The following DLGAP3 variants were observed in gnomAD, a reference collection of about 807,000 sequenced individuals.
DLGAP3 encodes the protein disks large-associated protein 3.
DLGAP3 carries 17 observed loss-of-function variants against 81.2 expected under a neutral mutation model. The observed-to-expected ratio is 0.21, with a 90% CI of 0.14 to 0.31. The LOEUF (loss-of-function observed/expected upper bound fraction) is 0.31. Among genes scored for constraint, DLGAP3 ranks in the 10% least tolerant of loss-of-function variants. The pLI is 1.00. For missense variants in DLGAP3, 1,124 were observed against 1,388.0 expected, an observed-to-expected ratio of 0.81 and a Z score of 3.02; for synonymous variants, 577 against 587.4, an observed-to-expected ratio of 0.98 and a Z score of 0.26.
At chr1:34,877,855 C>G (rs1639081532) in intron 8 of DLGAP3, among the ~76,000 whole-genome samples, 2 of 152,120 alleles carry the variant, frequency 1.3e-5, no homozygotes, top group Non-Finnish European at 2.9e-5. Context: ...TACTGTTGAT[C>G]AGTTCAACAT....
chr1:34,904,356 C>A lies in DLGAP3; in HGVS notation c.1028G>T (p.Gly343Val). ...HTMMVSQGRD[G>V]YPGAGPGKGL... ...CTTGCCTGGCCCGGCCCCCGGGTAT[C>A]CATCCCGGCCCTGGCTGACCATCAT... The change falls in exon 3 of 12, where the codon GGA becomes GTA. Residue 343 changes from glycine to valine, a missense_variant. Around this residue, in one of 9 missense-constraint regions of DLGAP3, gnomAD observed 357 missense variants for 408.8 expected, o/e 0.87. Coordinates refer to ENST00000373347, the MANE Select transcript of DLGAP3 (RefSeq NM_001080418.3). The surrounding 1 kb of genome is among the most constrained non-coding windows in gnomAD (Gnocchi z 8.1). 6.2e-7 allele frequency: 1 copy of A among 1,612,972 alleles called. No homozygotes were observed. The highest frequency in any genetic ancestry group is 8.5e-7 in the Non-Finnish European group (1 of 1,180,028).
chr1:34,896,564 G>A (rs934856879), intron 5 of DLGAP3, among the ~76,000 whole-genome samples: 1 of 142,532 alleles, frequency 7.0e-6, no homozygotes, highest in Non-Finnish European at 1.5e-5. Flanking sequence ...ACTCTGGCCT[G>A]GGCAACAGAG....
intron 7 of DLGAP3, 36 bp downstream of exon 7, chr1:34,885,442 G>A: frequency 6.2e-7 from 1 of 1,601,134 alleles, no homozygotes; most frequent in African/African-American, 1.3e-5. Flanking sequence ...GACCGACCAG[G>A]GTCAGAGCCC....
Position 34,868,983 on chromosome 1 carries a change from G to A in DLGAP3, c.2107C>T (p.Leu703=), listed in dbSNP as rs769084336. The A allele has an allele frequency of 6.2e-7, 1 of 1,608,836 alleles. No individual in the cohort carries two copies. Among genetic ancestry groups the A allele is most frequent in the Non-Finnish European group, 8.5e-7 (1 of 1,179,792 alleles). ...LATVATEDKA[L]QFGRSFQRHA... ...CTCTGGAAGGAGCGTCCAAACTGCA[G>A]GGCCTTGTCTTCTGTGGCCACCGTG... is the stretch of plus-strand genomic sequence containing the variant. Residue 703 remains leucine, a synonymous_variant, in exon 9 of 12, where the codon CTG becomes TTG. Transcript: ENST00000373347. The surrounding 1 kb of genome is among the most constrained non-coding windows in gnomAD (Gnocchi z 7.5).
chr1:34,872,366 G>A (rs1638993891), intron 8 of DLGAP3, among the ~76,000 whole-genome samples: 1 of 152,200 alleles, frequency 6.6e-6, no homozygotes, highest in African/African-American at 2.4e-5. Context: ...TCAGGAGGTG[G>A]AGAAAACTAG....
intron 8 of DLGAP3, among the ~76,000 whole-genome samples, chr1:34,871,093 A>G (rs1638971986): frequency 6.6e-6 from 1 of 152,152 alleles, no homozygotes; most frequent in African/African-American, 2.4e-5. Flanking sequence ...AGTCCACCCA[A>G]GACTGGAATA....
At chr1:34,922,717 A>G (rs1221558925) in intron 1 of DLGAP3, among the ~76,000 whole-genome samples, 2 of 152,144 alleles carry the variant, frequency 1.3e-5, no homozygotes, top group East Asian at 3.8e-4. Flanking sequence ...TCATATACTC[A>G]CTCACAGGCA....
At chr1:34,896,143 C>A (rs1421931196) in intron 5 of DLGAP3, among the ~76,000 whole-genome samples, 1 of 152,076 alleles carries the variant, frequency 6.6e-6, no homozygotes, top group Non-Finnish European at 1.5e-5. Context: ...GTTCTCCAAA[C>A]AACAACATAA....
At chr1:34,879,853 C>T (rs1054358137) in intron 8 of DLGAP3, among the ~76,000 whole-genome samples, 4 of 151,792 alleles carry the variant, frequency 2.6e-5, no homozygotes, top group African/African-American at 4.8e-5. Flanking sequence ...ATAGCCCTAA[C>T]AGCACATGTT....
At position 34,904,908 on chromosome 1, in the gene DLGAP3, G is replaced by T. The variant is rs949139237; in HGVS notation, c.476C>A (p.Ala159Asp). Reference sequence around the variant, plus strand: ...AGGGCTCTCACTGCGGGGCTCTGGGGCAGTGCCCGTCCCTGGCGCTGGCCC... The same window carrying T: ...AGGGCTCTCACTGCGGGGCTCTGGGTCAGTGCCCGTCCCTGGCGCTGGCCC... ...GPGPAPGTGTAPEPRSESPSR... is the reference protein window; with the variant it reads ...GPGPAPGTGTDPEPRSESPSR... The change falls in exon 3 of 12, where the codon GCC becomes GAC. Residue 159 changes from alanine to aspartate, a missense_variant. Ala to Asp is a moderately radical substitution (Grantham distance 126). This residue lies in a region of DLGAP3 where 65 missense variants were observed against 78.2 expected (regional missense o/e 0.83). Transcript: ENST00000373347. The surrounding 1 kb of genome is among the most constrained non-coding windows in gnomAD (Gnocchi z 8.1). 1.2e-6 allele frequency: 2 copies of T among 1,611,598 alleles called. No individual in the cohort carries two copies. The highest frequency in any genetic ancestry group is 1.1e-5 in the South Asian group (1 of 91,072).
intron 5 of DLGAP3, among the ~76,000 whole-genome samples, chr1:34,887,034 A>G (rs1308668513): frequency 7.1e-6 from 1 of 139,940 alleles, no homozygotes; most frequent in Non-Finnish European, 1.5e-5. Context: ...GGCTCACTGC[A>G]AGCTCTGCCT....
chr1:34,911,676 A>G (rs1639643268), intron 1 of DLGAP3, among the ~76,000 whole-genome samples: 1 of 152,128 alleles, frequency 6.6e-6, no homozygotes, highest in Non-Finnish European at 1.5e-5. Context: ...AAATTACCCA[A>G]TTTAGCACCA....
rs1308880126 is a variant in DLGAP3, at chr1:34,929,249, G to A, written c.-135+202C>T. Reference sequence around the variant, plus strand: ...CCGCGTGGTCCCCTGCCCGCCCCTCGGGTCGGGCCCGCGGGCAGCCAGGCC... The same window carrying A: ...CCGCGTGGTCCCCTGCCCGCCCCTCAGGTCGGGCCCGCGGGCAGCCAGGCC... On this transcript the variant is annotated intron_variant, in intron 1 of 11. Transcript: ENST00000373347. This position sits in a 1 kb window ranked among gnomAD's most constrained non-coding sequence, Gnocchi z 6.5. 2.0e-5 allele frequency among the ~76,000 whole-genome samples: 3 copies of A among 151,168 alleles called. No individual in the cohort carries two copies. The highest frequency in any genetic ancestry group is 4.4e-5 in the Non-Finnish European group (3 of 67,508).
intron 1 of DLGAP3, among the ~76,000 whole-genome samples, chr1:34,921,287 C>T (rs1035862780): frequency 1.6e-4 from 24 of 152,134 alleles, no homozygotes; most frequent in Admixed American, 1.4e-3. Flanking sequence ...AAAGAGTCTA[C>T]GGAGGTGGGG....
chr1:34,877,579 C>A (rs1639077320), intron 8 of DLGAP3, among the ~76,000 whole-genome samples: 1 of 152,116 alleles, frequency 6.6e-6, no homozygotes, highest in Non-Finnish European at 1.5e-5. Flanking sequence ...GATACAACAG[C>A]AGCTGATTTC....
In DLGAP3 at chr1:34,867,251, G is replaced by A. The variant is rs1253429698; in HGVS notation, c.2578-60C>T. 15 of 1,609,792 alleles carry A rather than the reference G, an allele frequency of 9.3e-6. No individual in the cohort carries two copies. The highest frequency in any genetic ancestry group is 1.3e-5 in the Non-Finnish European group (15 of 1,176,844). ...TCAAGGAGGTCTGAGCCCCAGCCAG[G>A]ACAAGAGAAAGTCCTATCCACCCTT... On this transcript the variant is annotated intron_variant, in intron 10 of 11. Transcript: ENST00000373347. The surrounding 1 kb of genome is among the most constrained non-coding windows in gnomAD (Gnocchi z 4.3).
chr1:34,875,274 TC>T (rs2148395961), intron 8 of DLGAP3, among the ~76,000 whole-genome samples: 1 of 152,304 alleles, frequency 6.6e-6, no homozygotes, highest in African/African-American at 2.4e-5. Flanking sequence ...CAGGTCTTCC[TC>T]CACAGAGTTC....
intron 1 of DLGAP3, among the ~76,000 whole-genome samples, chr1:34,917,468 C>T (rs766074508): frequency 6.6e-6 from 1 of 151,552 alleles, no homozygotes; most frequent in African/African-American, 2.4e-5. Context: ...CTGCCTCAGC[C>T]TCCCAGGTAG....
At chr1:34,893,064 C>T (rs1024081147) in intron 5 of DLGAP3, among the ~76,000 whole-genome samples, 8 of 150,520 alleles carry the variant, frequency 5.3e-5, no homozygotes, top group Admixed American at 2.7e-4. Context: ...CCCAGCTACT[C>T]GGGAGGCTGA....
Sources: allele counts gnomAD v4.1 joint callset (sites outside exome capture counted in the v4.1 genomes callset), GRCh38; gene constraint gnomAD v4.1.1; regional missense constraint gnomAD v4.1.1; non-coding constraint Gnocchi (gnomAD v3.1); transcripts MANE v1.5; gene names NCBI Gene and HGNC (gene_info 2026-07-23, HGNC 2026-07-21).